Variants in TMTC1 observed in about 807,000 individuals in gnomAD.
The protein encoded by TMTC1 is protein O-mannosyl-transferase TMTC1.
A neutral mutation model predicts 104.8 loss-of-function variants in TMTC1; 73 were observed. The observed-to-expected ratio is 0.70, with a 90% CI of 0.58 to 0.85. The LOEUF (loss-of-function observed/expected upper bound fraction) is 0.85, where lower values mean the gene tolerates loss of function less well. TMTC1 is among the 40% of genes least tolerant of loss of function. TMTC1 has a pLI of 0.00. For missense variants in TMTC1, 1,035 were observed against 1,096.1 expected (o/e 0.94, Z 0.79); for synonymous variants, 434 against 428.7 (o/e 1.01, Z -0.15).
chr12:29,653,006 G>A (rs958828919), intron 5 of TMTC1, among the ~76,000 whole-genome samples: 2 of 151,992 alleles, frequency 1.3e-5, no homozygotes, highest in Admixed American at 6.6e-5. Context: ...AGGTTGCAGT[G>A]AGCCAAAATC....
intron 6 of TMTC1, among the ~76,000 whole-genome samples, chr12:29,626,495 CAAAAAGATGTATCAGATGGTTACTTT>C (rs1937999885): frequency 6.6e-6 from 1 of 151,984 alleles, no homozygotes. Context: ...AATTCATTTA[CAAAAAGATGTATCAGATGGTTACTTT>C]AAAATAAGGT....
intron 11 of TMTC1, among the ~76,000 whole-genome samples, chr12:29,526,615 C>T (rs191118978): frequency 2.0e-5 from 3 of 152,190 alleles, no homozygotes; most frequent in Non-Finnish European, 4.4e-5. Flanking sequence ...TTATCAGAAA[C>T]CTGTTTTCAA....
chr12:29,703,475 C>T (rs1245046840), intron 5 of TMTC1, among the ~76,000 whole-genome samples: 1 of 152,116 alleles, frequency 6.6e-6, no homozygotes, highest in Non-Finnish European at 1.5e-5. Flanking sequence ...ACTCTAATAC[C>T]ACCTGCGAAA....
At chr12:29,532,879 G>T (rs893496145) in intron 11 of TMTC1, 17 of 151,968 alleles carry the variant, frequency 1.1e-4, no homozygotes, top group Non-Finnish European at 2.9e-5. Context: ...CATTTTCTTA[G>T]GGGTTCTGAC....
At chr12:29,682,992 ACT>A (rs1280743242) in intron 5 of TMTC1, among the ~76,000 whole-genome samples, 1 of 152,114 alleles carries the variant, frequency 6.6e-6, no homozygotes, top group African/African-American at 2.4e-5. Flanking sequence ...ATCTCTCTCT[ACT>A]ATTTCTAGAT....
chr12:29,749,100 C>T (rs930440875), intron 5 of TMTC1, among the ~76,000 whole-genome samples: 7 of 152,114 alleles, frequency 4.6e-5, no homozygotes, highest in Admixed American at 6.5e-5. Context: ...GCAAACACTA[C>T]AAATCAGGAG....
At chr12:29,756,104 C>T (rs1277284509) in intron 3 of TMTC1, among the ~76,000 whole-genome samples, 1 of 152,098 alleles carries the variant, frequency 6.6e-6, no homozygotes, top group Non-Finnish European at 1.5e-5. Context: ...CAAATGAACA[C>T]CAAAAAGCCA....
chr12:29,726,052 T>C (rs1942380825), intron 5 of TMTC1, among the ~76,000 whole-genome samples: 1 of 152,194 alleles, frequency 6.6e-6, no homozygotes, highest in Non-Finnish European at 1.5e-5. Flanking sequence ...CTGACTGAGT[T>C]GGTTGCCAAG....
At chr12:29,744,415 A>G (rs1240723636) in intron 5 of TMTC1, among the ~76,000 whole-genome samples, 1 of 152,250 alleles carries the variant, frequency 6.6e-6, no homozygotes, top group Non-Finnish European at 1.5e-5. Flanking sequence ...AAAAGAAACT[A>G]TCAACTGCTA....
chr12:29,542,477 G>A (rs73069590), intron 10 of TMTC1, among the ~76,000 whole-genome samples: 11,853 of 152,158 alleles, frequency 0.078, 640 homozygotes, highest in Middle Eastern at 0.16. Flanking sequence ...ATAATCCTCC[G>A]TGATCTAAAA....
At chr12:29,600,092 A>C (rs1435198220) in intron 7 of TMTC1, among the ~76,000 whole-genome samples, 1 of 146,592 alleles carries the variant, frequency 6.8e-6, no homozygotes, top group Non-Finnish European at 1.5e-5. Flanking sequence ...GGATGGAAGG[A>C]GATTCATGAA....
intron 10 of TMTC1, among the ~76,000 whole-genome samples, chr12:29,544,964 T>G (rs1944900296): frequency 6.6e-6 from 1 of 152,174 alleles, no homozygotes; most frequent in Non-Finnish European, 1.5e-5. Flanking sequence ...GAAATGTGCT[T>G]ATTATTAAAT....
chr12:29,523,320 C>G (rs1383846683), intron 11 of TMTC1, among the ~76,000 whole-genome samples: 1 of 152,144 alleles, frequency 6.6e-6, no homozygotes, highest in African/African-American at 2.4e-5. Flanking sequence ...GATTTACAGA[C>G]AGAAAAAGGA....
intron 5 of TMTC1, among the ~76,000 whole-genome samples, chr12:29,667,162 C>G (rs1321834163): frequency 6.6e-6 from 1 of 152,176 alleles, no homozygotes; most frequent in East Asian, 1.9e-4. Context: ...TATGGGTTCT[C>G]TCTTTAATGT....
At chr12:29,631,482 TAA>T (rs991094920) in intron 6 of TMTC1, among the ~76,000 whole-genome samples, 25 of 152,146 alleles carry the variant, frequency 1.6e-4, no homozygotes, top group Non-Finnish European at 3.5e-4. Context: ...GTTACATTTT[TAA>T]AAGACCATCC....
In TMTC1 at chr12:29,675,831, T is replaced by C. The variant is rs534614732; in HGVS notation, c.939-42495A>G. On this transcript the variant is annotated intron_variant, in intron 5 of 17. Transcript: ENST00000539277. ...CCAATATAAGGTATTCTTAATAGCA[T>C]TGTTCCATGAAAGTAACAAAATGGA... is the stretch of plus-strand genomic sequence containing the variant. Among the ~76,000 whole-genome samples the C allele has an allele frequency of 5.9e-5, 9 of 152,268 alleles. No homozygotes were observed. The South Asian group carries it at 8.3e-4, about 14-fold the overall frequency.
chr12:29,581,103 C>T (rs578034010), intron 8 of TMTC1, among the ~76,000 whole-genome samples: 2 of 152,274 alleles, frequency 1.3e-5, no homozygotes, highest in African/African-American at 4.8e-5. Context: ...CCTAAGATCA[C>T]ACAGCTATTC....
intron 6 of TMTC1, among the ~76,000 whole-genome samples, chr12:29,610,477 T>A (rs114727195): frequency 6.6e-6 from 1 of 152,230 alleles, no homozygotes; most frequent in Non-Finnish European, 1.5e-5. Context: ...GCTATGACAA[T>A]GATTAAATGC....
rs866025450 is a variant in TMTC1 at position 29,504,733 on chromosome 12, A to G, written c.*2113T>C. Reference sequence around the variant, plus strand: ...CCATTTCTGTTATTCCAACAAATGTACTCTCCTACCTTTATTAGCACTTCA... The same window carrying G: ...CCATTTCTGTTATTCCAACAAATGTGCTCTCCTACCTTTATTAGCACTTCA... On this transcript the variant is annotated 3_prime_UTR_variant, in exon 18 of 18. Transcript: ENST00000539277. 1.3e-5 allele frequency: 2 copies of G among 152,118 alleles called. No homozygotes were observed. The highest frequency in any genetic ancestry group is 1.5e-5 in the Non-Finnish European group (1 of 68,030). The allele number at this position is 152,118 out of a possible 1,614,324, so 9.4% of individuals were successfully genotyped here. A position where few individuals can be genotyped will look rare whatever the true frequency, so the allele number is the denominator to read the frequency against.
Sources: allele counts gnomAD v4.1 joint callset (sites outside exome capture counted in the v4.1 genomes callset), GRCh38; gene constraint gnomAD v4.1.1; transcripts MANE v1.5; gene names NCBI Gene and HGNC (gene_info 2026-07-23, HGNC 2026-07-21).